TCF20: variants seen among roughly 807,000 people sequenced by gnomAD.
The protein encoded by TCF20 is transcription factor 20.
TCF20 carries 3 observed loss-of-function variants against 148.6 expected under a neutral mutation model. That is an observed-to-expected ratio of 0.02 (90% confidence interval 0.01 to 0.05). The LOEUF (loss-of-function observed/expected upper bound fraction) is 0.05, where lower values mean the gene tolerates loss of function less well. TCF20 is among the 10% of genes least tolerant of loss of function. TCF20 has a pLI of 1.00. For synonymous variants in TCF20, 1,049 were observed against 909.5 expected, an observed-to-expected ratio of 1.15 and a Z score of -2.76; for missense variants, 2,350 against 2,429.3, an observed-to-expected ratio of 0.97 and a Z score of 0.69.
At chr22:42,238,513 T>C (rs548646138) in intron 1 of TCF20, among the ~76,000 whole-genome samples, 11 of 152,380 alleles carry the variant, frequency 7.2e-5, no homozygotes, top group South Asian at 4.1e-4. Context: ...TTTGGTGCAA[T>C]AGGCCTAGTA....
rs1935429636 is a variant in TCF20 at position 42,161,186 on chromosome 22, C to T, written c.*217G>A. On this transcript the variant is annotated 3_prime_UTR_variant, in exon 6 of 6. Transcript: ENST00000677622. ...AAACAGCCATTCCAACGTCTTGGGT[C>T]TTTCTTTCCTGTGGTGTCACTGGTT... The T allele has an allele frequency of 1.7e-6, 1 of 580,456 alleles. No individual in the cohort carries two copies. The highest frequency in any genetic ancestry group is 2.6e-6 in the Non-Finnish European group (1 of 383,134). 36.0% of individuals were successfully genotyped at this position (580,456 alleles called of 1,614,324 possible).
At chr22:42,219,400 A>G (rs1485393722) in intron 1 of TCF20, among the ~76,000 whole-genome samples, 1 of 149,638 alleles carries the variant, frequency 6.7e-6, no homozygotes, top group Admixed American at 6.7e-5. Flanking sequence ...AGATAATTCC[A>G]ATTTTATCCC....
chr22:42,277,247 T>C (rs1009602661), intron 1 of TCF20, among the ~76,000 whole-genome samples: 2 of 152,234 alleles, frequency 1.3e-5, no homozygotes, highest in African/African-American at 2.4e-5. Context: ...TTAACACTTA[T>C]TCATTCATTC....
intron 3 of TCF20, among the ~76,000 whole-genome samples, chr22:42,176,379 G>T (rs201479187): frequency 3.7e-4 from 6 of 16,372 alleles, no homozygotes; most frequent in African/African-American, 1.2e-3. Context: ...CTGGAAGGAA[G>T]GGGGGGGCAG....
chr22:42,324,124 ATGG>A (rs1327441995), intron 1 of TCF20, among the ~76,000 whole-genome samples: 2 of 1,714 alleles, frequency 1.2e-3, no homozygotes, highest in African/African-American at 3.5e-3. Context: ...GGTGGTGGTT[ATGG>A]TGGTGGTGGT....
At chr22:42,308,696 G>A (rs2147039781) in intron 1 of TCF20, among the ~76,000 whole-genome samples, 1 of 152,266 alleles carries the variant, frequency 6.6e-6, no homozygotes, top group South Asian at 2.1e-4. Flanking sequence ...CCCTTCAAGT[G>A]AGTCCTTGAG....
intron 1 of TCF20, among the ~76,000 whole-genome samples, chr22:42,232,246 A>G (rs1923482361): frequency 6.6e-6 from 1 of 152,190 alleles, no homozygotes; most frequent in Non-Finnish European, 1.5e-5. Flanking sequence ...TCCTAGGAGC[A>G]ATAGGCTATA....
intron 2 of TCF20, among the ~76,000 whole-genome samples, chr22:42,197,729 G>C (rs1937676378): frequency 6.6e-6 from 1 of 152,082 alleles, no homozygotes; most frequent in Admixed American, 6.6e-5. Flanking sequence ...CAGGCTATGA[G>C]AAATAGGTAC....
At chr22:42,182,656 T>G (rs962843399) in intron 2 of TCF20, among the ~76,000 whole-genome samples, 1 of 152,350 alleles carries the variant, frequency 6.6e-6, no homozygotes, top group Non-Finnish European at 1.5e-5. Flanking sequence ...TAAAGACAGT[T>G]TAGTTCAGTG....
intron 3 of TCF20, among the ~76,000 whole-genome samples, chr22:42,175,966 T>C (rs1334661400): frequency 6.6e-6 from 1 of 151,436 alleles, no homozygotes; most frequent in Admixed American, 6.6e-5. Flanking sequence ...GGCTAATTTT[T>C]TGTATTTTTT....
chr22:42,252,317 T>TC (rs1234783900), intron 1 of TCF20, among the ~76,000 whole-genome samples: 1 of 151,356 alleles, frequency 6.6e-6, no homozygotes, highest in Non-Finnish European at 1.5e-5. Context: ...AAAAGAACTG[T>TC]CTCTTTCAGA....
At chr22:42,240,897 C>G (rs1420670422) in intron 1 of TCF20, among the ~76,000 whole-genome samples, 2 of 152,108 alleles carry the variant, frequency 1.3e-5, no homozygotes, top group African/African-American at 2.4e-5. Flanking sequence ...TCTGTCCCCC[C>G]CAGGCTGGAG....
At chr22:42,261,327 C>T (rs1339656527) in intron 1 of TCF20, among the ~76,000 whole-genome samples, 2 of 152,114 alleles carry the variant, frequency 1.3e-5, no homozygotes, top group African/African-American at 4.8e-5. Context: ...ATTTTCATTT[C>T]TCTTGGATAA....
chr22:42,171,465 C>T (rs539333099), intron 3 of TCF20, among the ~76,000 whole-genome samples: 1 of 152,138 alleles, frequency 6.6e-6, no homozygotes, highest in African/African-American at 2.4e-5. Flanking sequence ...TTATATTTGG[C>T]CAGACCTGGA....
At position 42,160,882 on chromosome 22, in the gene TCF20, A is replaced by T. The variant is rs965574188; in HGVS notation, c.*521T>A. ...GAGACAGGCTAAAGATCAACGCCAC[A>T]CACACACCCCGTCCTTCATGAGATG... On this transcript the variant is annotated 3_prime_UTR_variant, in exon 6 of 6. Transcript: ENST00000677622. 1 of 153,576 alleles carries T rather than the reference A, an allele frequency of 6.5e-6. No homozygotes were observed. Among genetic ancestry groups the T allele is most frequent in the African/African-American group, 2.4e-5 (1 of 41,452 alleles). The allele number at this position is 153,576 out of a possible 1,614,324, so 9.5% of individuals were successfully genotyped here.
At chr22:42,219,024 A>G (rs1269832507) in intron 1 of TCF20, among the ~76,000 whole-genome samples, 1 of 152,168 alleles carries the variant, frequency 6.6e-6, no homozygotes, top group Non-Finnish European at 1.5e-5. Context: ...TAGGAATGCC[A>G]AGTAAACCAA....
At chr22:42,199,844 C>CAA (rs566204437) in intron 2 of TCF20, among the ~76,000 whole-genome samples, 19 of 95,586 alleles carry the variant, frequency 2.0e-4, no homozygotes, top group African/African-American at 3.4e-4. Flanking sequence ...TGACTCTGTC[C>CAA]AAAAAAAAAA....
chr22:42,215,169 C>A lies in TCF20; in HGVS notation c.137G>T (p.Gly46Val). 1.2e-6 allele frequency: 2 copies of A among 1,614,208 alleles called. No homozygotes were observed. The highest frequency in any genetic ancestry group is 1.7e-6 in the Non-Finnish European group (2 of 1,180,018). ...GCCACTGCCACTGCTGCCACTACTG[C>A]CACCTGTACCTCCAAAATTCTGGAA... Reference protein sequence around the residue: ...QMFQNFGGTGGSSGSSGSGSG... With the variant: ...QMFQNFGGTGVSSGSSGSGSG... The change falls in exon 2 of 6, where the codon GGC becomes GTC. Residue 46 changes from glycine to valine, a missense_variant. This residue lies in a region of TCF20 where 1,641 missense variants were observed against 1,662.6 expected (regional missense o/e 0.99). Coordinates refer to ENST00000677622, the MANE Select transcript of TCF20 (RefSeq NM_001378418.1).
chr22:42,332,842 T>C (rs1304625076), intron 1 of TCF20, among the ~76,000 whole-genome samples: 1 of 152,158 alleles, frequency 6.6e-6, no homozygotes, highest in Non-Finnish European at 1.5e-5. Flanking sequence ...TGCGGCTCTG[T>C]TTCTATAAAG....
Sources: allele counts gnomAD v4.1 joint callset (sites outside exome capture counted in the v4.1 genomes callset), GRCh38; gene constraint gnomAD v4.1.1; regional missense constraint gnomAD v4.1.1; transcripts MANE v1.5; gene names NCBI Gene and HGNC (gene_info 2026-07-23, HGNC 2026-07-21).